The following SLC17A5 variants were observed in gnomAD, a reference collection of about 807,000 sequenced individuals.
SLC17A5 encodes sialin.
A neutral mutation model predicts 59.4 loss-of-function variants in SLC17A5; 47 were observed. The observed-to-expected ratio is 0.79, with a 90% CI of 0.63 to 1.01. The LOEUF (loss-of-function observed/expected upper bound fraction) is 1.01, where lower values mean the gene tolerates loss of function less well. Ranked by LOEUF, SLC17A5 falls within the 50% of genes least tolerant of loss-of-function variation. The pLI is 0.00. For missense variants in SLC17A5, 522 were observed against 595.5 expected, an observed-to-expected ratio of 0.88 and a Z score of 1.28; for synonymous variants, 202 against 210.7, an observed-to-expected ratio of 0.96 and a Z score of 0.36.
intron 9 of SLC17A5, among the ~76,000 whole-genome samples, chr6:73,604,265 A>G (rs974477567): frequency 6.6e-6 from 1 of 152,214 alleles, no homozygotes; most frequent in South Asian, 2.1e-4. Context: ...CAGCAACAAG[A>G]AGCTCATTCA....
chr6:73,622,581 T>C (rs1768202781), intron 6 of SLC17A5, among the ~76,000 whole-genome samples: 1 of 152,130 alleles, frequency 6.6e-6, no homozygotes, highest in Non-Finnish European at 1.5e-5. Context: ...TGAGCCACCG[T>C]GCCCGGCCTG....
At position 73,606,830 on chromosome 6, in the gene SLC17A5, T is replaced by A. The variant is rs371006360; in HGVS notation, c.1259+3570A>T. On this transcript the variant is annotated intron_variant, in intron 9 of 10. Transcript: ENST00000355773. ...TTTAGTAGTGACAAATTTATCTAAT[T>A]GTACATCCAATTCATCTTTCTCCAC... Among the ~76,000 whole-genome samples, 6 of 152,234 alleles carry A rather than the reference T, an allele frequency of 3.9e-5. No homozygotes were observed. In the East Asian group the frequency reaches 5.8e-4, roughly 15 times the overall value.
At chr6:73,616,579 AC>A (rs1269695304) in intron 7 of SLC17A5, among the ~76,000 whole-genome samples, 1,109 of 70,428 alleles carry the variant, frequency 0.016, 7 homozygotes, top group African/African-American at 0.05. Context: ...ACACACACAC[AC>A]GTTTATTTTT....
rs1327661174 is a variant in SLC17A5 at position 73,600,345 on chromosome 6, A to G, written c.1350+6T>C. ...TTTCCAGTTTACAAGTAAATTATCT[A>G]CTTACATCAGGGGTCAGACTTTTAG... On this transcript the variant is annotated splice_donor_region_variant and intron_variant, in intron 10 of 10. Coordinates refer to ENST00000355773, the MANE Select transcript of SLC17A5 (RefSeq NM_012434.5). 7 of 1,606,598 alleles carry G rather than the reference A, an allele frequency of 4.4e-6. No homozygotes were observed. The highest frequency in any genetic ancestry group is 6.0e-6 in the Non-Finnish European group (7 of 1,173,234).
chr6:73,610,541 A>G lies in SLC17A5; in HGVS notation c.1118T>C (p.Ile373Thr), dbSNP rs149778697. Residue 373 changes from isoleucine to threonine, a missense_variant, in exon 9 of 11, where the codon ATT (isoleucine) becomes ACT (threonine). Around this residue, in one of 3 missense-constraint regions of SLC17A5, gnomAD observed 153 missense variants for 168.5 expected, o/e 0.91. Transcript: ENST00000355773. ...AGCTACCAGGAATACTGCAGGTCCA[A>G]TCATTCCTGGAGTTAAAAAGTTATA... Reference protein sequence around the residue: ...VRRIFSLIGMIGPAVFLVAAG... With the variant: ...VRRIFSLIGMTGPAVFLVAAG... 73 of 1,614,010 alleles carry G rather than the reference A, an allele frequency of 4.5e-5. No individual in the cohort carries two copies. The highest frequency in any genetic ancestry group is 8.0e-5 in the African/African-American group (6 of 74,928).
rs538079302 is a variant in SLC17A5 at position 73,651,460 on chromosome 6, CAAA to C, written c.94+2330_94+2332del. ...TGGGCGACAGAGCAAAACTCCGTCTCAAAAAAAAAAAAAAAAAAAAAAAATCAG... is the reference window on the plus strand; with the variant it reads ...TGGGCGACAGAGCAAAACTCCGTCTCAAAAAAAAAAAAAAAAAAAAATCAG... On this transcript the variant is annotated intron_variant, in intron 1 of 10. Coordinates refer to ENST00000355773, the MANE Select transcript of SLC17A5 (RefSeq NM_012434.5). Among the ~76,000 whole-genome samples, 173 of 29,888 alleles carry C rather than the reference CAAA, an allele frequency of 5.8e-3. 2 individuals are homozygous for C. The highest frequency in any genetic ancestry group is 0.015 in the African/African-American group (172 of 11,254). The allele number at this position is 29,888 out of a possible 152,430, so 19.6% of individuals were successfully genotyped here.
At chr6:73,650,351 T>C (rs1769794429) in intron 1 of SLC17A5, among the ~76,000 whole-genome samples, 1 of 149,818 alleles carries the variant, frequency 6.7e-6, no homozygotes, top group African/African-American at 2.5e-5. Context: ...GAACTAAAAA[T>C]AGAAAAAATT....
chr6:73,613,654 G>A (rs62438431), intron 8 of SLC17A5, among the ~76,000 whole-genome samples: 8,628 of 152,148 alleles, frequency 0.057, 441 homozygotes, highest in Admixed American at 0.17. Flanking sequence ...AAGCCACTGC[G>A]CCCAGTGAAT....
At chr6:73,651,874 G>A (rs757654073) in intron 1 of SLC17A5, among the ~76,000 whole-genome samples, 23 of 152,152 alleles carry the variant, frequency 1.5e-4, no homozygotes, top group Non-Finnish European at 3.4e-4. Context: ...GTTAAAAAGA[G>A]TCCTTATCTT....
intron 6 of SLC17A5, among the ~76,000 whole-genome samples, chr6:73,633,007 G>A (rs1190912451): frequency 1.3e-5 from 2 of 151,844 alleles, no homozygotes; most frequent in Non-Finnish European, 2.9e-5. Context: ...ATTTATTTGA[G>A]ACATGGTCTT....
At chr6:73,597,111 A>G (rs1264853632) in intron 10 of SLC17A5, among the ~76,000 whole-genome samples, 1 of 151,640 alleles carries the variant, frequency 6.6e-6, no homozygotes, top group African/African-American at 2.4e-5. Flanking sequence ...CAGTGAGCTG[A>G]GATCATGCCA....
At chr6:73,598,979 C>T (rs1316798529) in intron 10 of SLC17A5, among the ~76,000 whole-genome samples, 1 of 149,812 alleles carries the variant, frequency 6.7e-6, no homozygotes, top group East Asian at 2.0e-4. Context: ...AGCGAAACTC[C>T]GTCTCAAAAA....
intron 6 of SLC17A5, among the ~76,000 whole-genome samples, chr6:73,627,202 G>A (rs1212755175): frequency 6.6e-6 from 1 of 151,802 alleles, no homozygotes; most frequent in Admixed American, 6.6e-5. Context: ...TCAGCTTCCT[G>A]AGTAGCTGGG....
At chr6:73,618,881 T>C (rs674482) in intron 7 of SLC17A5, among the ~76,000 whole-genome samples, 24,570 of 151,970 alleles carry the variant, frequency 0.16, 3,034 homozygotes, top group African/African-American at 0.34. Context: ...CGAGCTGCCA[T>C]GCCTGGCTAA....
chr6:73,609,152 A>C (rs1767529043), intron 9 of SLC17A5, among the ~76,000 whole-genome samples: 1 of 152,206 alleles, frequency 6.6e-6, no homozygotes, highest in Non-Finnish European at 1.5e-5. Context: ...AAATAAATTT[A>C]TATCTATTAT....
chr6:73,636,877 T>C (rs967575792), intron 4 of SLC17A5, among the ~76,000 whole-genome samples, 170 bp from the exon 5 acceptor site: 1 of 151,970 alleles, frequency 6.6e-6, no homozygotes, highest in Non-Finnish European at 1.5e-5. Flanking sequence ...GCCTAGGAGT[T>C]TGAGACCAGC....
chr6:73,600,057 G>A (rs534964323), intron 10 of SLC17A5, among the ~76,000 whole-genome samples: 11 of 152,262 alleles, frequency 7.2e-5, no homozygotes, highest in African/African-American at 2.4e-4. Context: ...GCCTCCCAAA[G>A]TGCTGGGATT....
At chr6:73,611,888 A>G (rs1161569295) in intron 8 of SLC17A5, among the ~76,000 whole-genome samples, 1 of 152,108 alleles carries the variant, frequency 6.6e-6, no homozygotes, top group Non-Finnish European at 1.5e-5. Flanking sequence ...GCTGGAGTGC[A>G]GTGGTGCGAT....
intron 1 of SLC17A5, among the ~76,000 whole-genome samples, chr6:73,646,765 T>G (rs1769590522): frequency 6.6e-6 from 1 of 152,098 alleles, no homozygotes; most frequent in South Asian, 2.1e-4. Context: ...CTCGAACCCC[T>G]GGACTCAAGT....
Sources: allele counts gnomAD v4.1 joint callset (sites outside exome capture counted in the v4.1 genomes callset), GRCh38; gene constraint gnomAD v4.1.1; regional missense constraint gnomAD v4.1.1; transcripts MANE v1.5; gene names NCBI Gene and HGNC (gene_info 2026-07-23, HGNC 2026-07-21).